SWAP70: variants seen among roughly 807,000 people sequenced by gnomAD.
SWAP70 encodes switch-associated protein 70.
A neutral mutation model predicts 80.2 loss-of-function variants in SWAP70; 34 were observed. That is an observed-to-expected ratio of 0.42 (90% CI 0.32 to 0.56). The LOEUF is 0.56. SWAP70 is among the 20% of genes least tolerant of loss of function. The probability of loss-of-function intolerance (pLI) is 0.09; values close to 1 mark genes in which losing one functional copy is unlikely to be tolerated. For synonymous variants in SWAP70, 239 were observed against 238.5 expected (o/e 1.00, Z -0.02); for missense variants, 578 against 690.7 (o/e 0.84, Z 1.83).
At chr11:9,692,299 A>C (rs978036795) in intron 1 of SWAP70, among the ~76,000 whole-genome samples, 8 of 151,298 alleles carry the variant, frequency 5.3e-5, no homozygotes, top group African/African-American at 1.9e-4. Context: ...AAAAAACTTA[A>C]TACAAAGAAG....
intron 2 of SWAP70, among the ~76,000 whole-genome samples, chr11:9,711,925 A>G (rs1225189063): frequency 2.0e-5 from 3 of 152,310 alleles, no homozygotes; most frequent in East Asian, 1.9e-4. Context: ...CCCCATTCAC[A>G]TTAAATACTC....
At chr11:9,716,137 G>A (rs902663418) in intron 3 of SWAP70, among the ~76,000 whole-genome samples, 1 of 152,218 alleles carries the variant, frequency 6.6e-6, no homozygotes, top group African/African-American at 2.4e-5. Context: ...GGTAGATGAA[G>A]CTGGAGAGTT....
rs967017091 is a variant in SWAP70 at position 9,692,288 on chromosome 11, A to T, written c.100-1858A>T. Reference sequence around the variant, plus strand: ...ATTTTTGAGTAGGTTAATTTTTTTTAAAAAAACTTAATACAAAGAAGAGCT... The same window carrying T: ...ATTTTTGAGTAGGTTAATTTTTTTTTAAAAAACTTAATACAAAGAAGAGCT... On this transcript the variant is annotated intron_variant, in intron 1 of 11. Coordinates refer to ENST00000318950, the MANE Select transcript of SWAP70 (RefSeq NM_015055.4). 4.7e-4 allele frequency among the ~76,000 whole-genome samples: 70 copies of T among 150,234 alleles called. 1 individual carries two copies. Among genetic ancestry groups the T allele is most frequent in the Non-Finnish European group, 7.4e-4 (50 of 67,664 alleles).
At chr11:9,720,399 C>T (rs368123402) in intron 3 of SWAP70, 50 of 985,198 alleles carry the variant, frequency 5.1e-5, no homozygotes, top group Middle Eastern at 5.2e-4. Context: ...TACTAATAGG[C>T]GCTTTCTGAG....
intron 6 of SWAP70, among the ~76,000 whole-genome samples, chr11:9,730,554 ACTTATT>A (rs202193540): frequency 0.013 from 1,999 of 152,204 alleles, 39 homozygotes; most frequent in African/African-American, 0.044. Context: ...TTTAGGTTTT[ACTTATT>A]CTTATTATTT....
At chr11:9,666,765 C>T (rs551671343) in intron 1 of SWAP70, among the ~76,000 whole-genome samples, 1 of 150,342 alleles carries the variant, frequency 6.7e-6, no homozygotes, top group East Asian at 2.0e-4. Context: ...CGCTCTGTCA[C>T]CCAGGCTAGA....
At chr11:9,670,620 A>G (rs1337386075) in intron 1 of SWAP70, among the ~76,000 whole-genome samples, 1 of 152,120 alleles carries the variant, frequency 6.6e-6, no homozygotes, top group East Asian at 1.9e-4. Flanking sequence ...GATGAGAGGA[A>G]CAAGAAAAGC....
At position 9,713,557 on chromosome 11, in the gene SWAP70, C is replaced by T; in HGVS notation, c.332C>T (p.Thr111Ile). ...CTCACAAAGAATCCCCTGCTCATTACAGAAGAAGATGCATTTAAAATATGG... is the reference window on the plus strand; with the variant it reads ...CTCACAAAGAATCCCCTGCTCATTATAGAAGAAGATGCATTTAAAATATGG... ...KNLTKNPLLITEEDAFKIWVI... is the reference protein window; with the variant it reads ...KNLTKNPLLIIEEDAFKIWVI... Residue 111 changes from threonine to isoleucine, a missense_variant, in exon 3 of 12, where the codon ACA becomes ATA. Coordinates refer to ENST00000318950, the MANE Select transcript of SWAP70 (RefSeq NM_015055.4). 1 of 1,614,074 alleles carries T rather than the reference C, an allele frequency of 6.2e-7. No homozygotes were observed. Among genetic ancestry groups the T allele is most frequent in the Non-Finnish European group, 8.5e-7 (1 of 1,179,974 alleles).
chr11:9,733,435 G>A (rs1851325579), intron 7 of SWAP70, among the ~76,000 whole-genome samples: 1 of 152,176 alleles, frequency 6.6e-6, no homozygotes, highest in African/African-American at 2.4e-5. Flanking sequence ...CTCATAATCT[G>A]TGACTCTACA....
intron 1 of SWAP70, among the ~76,000 whole-genome samples, chr11:9,685,182 C>T (rs1484530710): frequency 6.6e-6 from 1 of 151,176 alleles, no homozygotes; most frequent in South Asian, 2.1e-4. Flanking sequence ...AGCACCATCT[C>T]GGCCTGCCAC....
chr11:9,667,532 A>G (rs1379032294), intron 1 of SWAP70, among the ~76,000 whole-genome samples: 1 of 152,096 alleles, frequency 6.6e-6, no homozygotes, highest in African/African-American at 2.4e-5. Flanking sequence ...GTATTCAGAT[A>G]TGAGCCACCT....
At chr11:9,682,469 A>G (rs1406083093) in intron 1 of SWAP70, among the ~76,000 whole-genome samples, 5 of 152,216 alleles carry the variant, frequency 3.3e-5, no homozygotes, top group Non-Finnish European at 7.3e-5. Context: ...AGAAATCTCT[A>G]GTATTGTTTA....
chr11:9,724,049 T>G (rs931735436), intron 3 of SWAP70, among the ~76,000 whole-genome samples: 1 of 152,216 alleles, frequency 6.6e-6, no homozygotes, highest in Non-Finnish European at 1.5e-5. Context: ...GTTGGGATTA[T>G]AGGCATGAGC....
rs549645978 is a variant in SWAP70, at chr11:9,695,828, C to T, written c.240+1542C>T. On this transcript the variant is annotated intron_variant, in intron 2 of 11. Transcript: ENST00000318950. ...AGTTGTTTTTTTTGAGGGGTCTCATCCTGTCACCCAGGCTGGAGTTCAGTG... is the reference window on the plus strand; with the variant it reads ...AGTTGTTTTTTTTGAGGGGTCTCATTCTGTCACCCAGGCTGGAGTTCAGTG... Among the ~76,000 whole-genome samples the T allele has an allele frequency of 1.2e-4, 18 of 151,866 alleles. No homozygotes were observed. The Middle Eastern group carries it at 0.01, about 86-fold the overall frequency.
intron 1 of SWAP70, among the ~76,000 whole-genome samples, chr11:9,668,673 A>C (rs1471451573): frequency 1.3e-5 from 2 of 152,330 alleles, no homozygotes; most frequent in African/African-American, 4.8e-5. Context: ...AAGAGTTAAT[A>C]TCTCCTTGGA....
At chr11:9,738,363 C>A (rs1372297933) in intron 8 of SWAP70, 43 bp downstream of exon 8, 2 of 1,490,026 alleles carry the variant, frequency 1.3e-6, no homozygotes, top group East Asian at 2.4e-5. Context: ...AGTAGCTCAG[C>A]CTGGGTCGGT....
intron 1 of SWAP70, among the ~76,000 whole-genome samples, chr11:9,683,725 A>G (rs1590016177): frequency 6.6e-6 from 1 of 152,334 alleles, no homozygotes; most frequent in East Asian, 1.9e-4. Context: ...GGACTCCCAC[A>G]TTGAGGAAAA....
intron 1 of SWAP70, among the ~76,000 whole-genome samples, chr11:9,672,681 TAAG>T (rs1444697791): frequency 2.6e-5 from 4 of 152,000 alleles, no homozygotes; most frequent in Non-Finnish European, 4.4e-5. Flanking sequence ...CTTTCATTTT[TAAG>T]AAGATTACTT....
intron 7 of SWAP70, 152 bp downstream of exon 7, chr11:9,732,862 A>G: frequency 1.4e-6 from 1 of 712,956 alleles, no homozygotes; most frequent in Non-Finnish European, 2.2e-6. Flanking sequence ...TTTCCAGACC[A>G]TCAAGTGAGA....
Sources: gnomAD v4.1 joint callset for allele counts (sites outside exome capture counted in the v4.1 genomes callset) on GRCh38, gnomAD v4.1.1 for gene constraint, MANE v1.5 for transcripts, NCBI Gene and HGNC (gene_info 2026-07-23, HGNC 2026-07-21) for gene names.